The following THSD7A variants were observed in gnomAD, a reference collection of about 807,000 sequenced individuals.
THSD7A encodes thrombospondin type 1 domain containing 7A.
A neutral mutation model predicts 231.3 loss-of-function variants in THSD7A; 96 were observed. That is an observed-to-expected ratio of 0.41 (90% CI 0.35 to 0.49). The LOEUF is 0.49. THSD7A is among the 20% of genes least tolerant of loss of function. The pLI is 0.05. For synonymous variants in THSD7A, 940 were observed against 743.3 expected (o/e 1.26, Z -4.30); for missense variants, 2,290 against 2,070.2 (o/e 1.11, Z -2.06).
intron 1 of THSD7A, among the ~76,000 whole-genome samples, chr7:11,687,676 G>A (rs1780100779): frequency 6.6e-6 from 1 of 151,826 alleles, no homozygotes; most frequent in East Asian, 1.9e-4. Context: ...TCTCCAAGAA[G>A]TATTTTGACA....
intron 23 of THSD7A, among the ~76,000 whole-genome samples, chr7:11,387,594 TAAGGAGATTTTGGGCTG>T (rs1221137964): frequency 2.0e-5 from 3 of 152,224 alleles, no homozygotes; most frequent in Admixed American, 2.0e-4. Context: ...CTTATCAGCT[TAAGGAGATTTTGGGCTG>T]ATATGATGGG....
chr7:11,831,838 GC>G lies in THSD7A; in HGVS notation c.108del (p.Leu37CysfsTer99). The G allele has an allele frequency of 7.1e-7, 1 of 1,403,234 alleles. No individual in the cohort carries two copies. Among genetic ancestry groups the G allele is most frequent in the Non-Finnish European group, 9.3e-7 (1 of 1,075,646 alleles). 86.9% of individuals were successfully genotyped at this position (1,403,234 alleles called of 1,614,324 possible). A position where few individuals can be genotyped will look rare whatever the true frequency, so the allele number is the denominator to read the frequency against. On this transcript the variant is annotated frameshift_variant, in exon 1 of 28. Transcript: ENST00000423059. LOFTEE classifies it high-confidence loss of function. This position sits in a 1 kb window ranked among gnomAD's most constrained non-coding sequence, Gnocchi z 5.0. ...LPLPLPLPLL[L>X]LLLLRPGAGR... ...CCGGCGCCCGGGCGTAGCAGCAGCAGCAGGAGCAGCGGCAGCGGCAGCGGCA... is the reference window on the plus strand; with the variant it reads ...CCGGCGCCCGGGCGTAGCAGCAGCAGAGGAGCAGCGGCAGCGGCAGCGGCA...
intron 2 of THSD7A, 47 bp from the exon 3 acceptor site, chr7:11,593,549 T>C (rs1435045136): frequency 1.9e-6 from 3 of 1,592,720 alleles, no homozygotes; most frequent in South Asian, 1.1e-5. Context: ...CAGGCAGTTA[T>C]GAACTTTGTC....
chr7:11,477,183 G>A (rs1786225720), intron 7 of THSD7A, among the ~76,000 whole-genome samples: 1 of 152,110 alleles, frequency 6.6e-6, no homozygotes, highest in Non-Finnish European at 1.5e-5. Flanking sequence ...ACATTTAGAT[G>A]TCACACTTTG....
At chr7:11,633,103 T>G (rs1781714001) in intron 2 of THSD7A, among the ~76,000 whole-genome samples, 1 of 152,222 alleles carries the variant, frequency 6.6e-6, no homozygotes, top group African/African-American at 2.4e-5. Context: ...CTCCATTTCT[T>G]TTTTGAGCTC....
intron 4 of THSD7A, among the ~76,000 whole-genome samples, chr7:11,553,139 T>C (rs576682301): frequency 6.6e-6 from 1 of 152,210 alleles, no homozygotes; most frequent in South Asian, 2.1e-4. Flanking sequence ...AACAAAGCCT[T>C]CTTGAGGTTT....
chr7:11,718,556 T>C (rs1030431742), intron 1 of THSD7A, among the ~76,000 whole-genome samples: 1 of 151,696 alleles, frequency 6.6e-6, no homozygotes, highest in African/African-American at 2.4e-5. Context: ...TTAAACAGTG[T>C]ACAATTGTCA....
intron 2 of THSD7A, among the ~76,000 whole-genome samples, chr7:11,594,322 G>C (rs1271495018): frequency 2.0e-5 from 3 of 152,114 alleles, no homozygotes; most frequent in Non-Finnish European, 2.9e-5. Flanking sequence ...TGTCCCTCTA[G>C]AGAACCCTGA....
At chr7:11,407,137 G>C (rs1783612627) in intron 20 of THSD7A, 82 bp from the exon 21 acceptor site, 1 of 1,544,638 alleles carries the variant, frequency 6.5e-7, no homozygotes, top group Non-Finnish European at 8.8e-7. Context: ...AGGCATCACA[G>C]TGATATCTCC....
In THSD7A at chr7:11,544,947, G is replaced by A. The variant is rs574277045; in HGVS notation, c.1454-1830C>T. 3.6e-3 allele frequency among the ~76,000 whole-genome samples: 555 copies of A among 152,110 alleles called. 2 individuals carry two copies. Among genetic ancestry groups the A allele is most frequent in the Non-Finnish European group, 6.6e-3 (450 of 68,012 alleles). On this transcript the variant is annotated intron_variant, in intron 4 of 27. Coordinates refer to ENST00000423059, the MANE Select transcript of THSD7A (RefSeq NM_015204.3). Reference sequence around the variant, plus strand: ...GTTTATGTGCATCACAACAGCAGCCGAAGCCAAAAATGATTAATTTCATTG... The same window carrying A: ...GTTTATGTGCATCACAACAGCAGCCAAAGCCAAAAATGATTAATTTCATTG...
chr7:11,533,201 C>G (rs1346701199), intron 6 of THSD7A, among the ~76,000 whole-genome samples: 1 of 152,098 alleles, frequency 6.6e-6, no homozygotes, highest in African/African-American at 2.4e-5. Flanking sequence ...TCAGACAGTT[C>G]AGAGTGAAAA....
chr7:11,583,725 C>T (rs1029960095), intron 4 of THSD7A, among the ~76,000 whole-genome samples: 46 of 151,924 alleles, frequency 3.0e-4, no homozygotes, highest in African/African-American at 1.0e-3. Flanking sequence ...AAATCCTGTG[C>T]CTTAGGTTAA....
rs146292999 is a variant in THSD7A, at chr7:11,676,553, C to T, written c.191-39592G>A. On this transcript the variant is annotated intron_variant, in intron 1 of 27. Transcript: ENST00000423059. ...TGAGAGGAATCGCTAACTGGAATAACCAGTTTAGAGAAGAACATAAATGAC... is the reference window on the plus strand; with the variant it reads ...TGAGAGGAATCGCTAACTGGAATAATCAGTTTAGAGAAGAACATAAATGAC... 3.7e-3 allele frequency among the ~76,000 whole-genome samples: 561 copies of T among 152,128 alleles called. 3 individuals carry two copies. The highest frequency in any genetic ancestry group is 0.013 in the African/African-American group (536 of 41,510).
At chr7:11,815,498 A>G (rs189188170) in intron 1 of THSD7A, among the ~76,000 whole-genome samples, 2 of 152,116 alleles carry the variant, frequency 1.3e-5, no homozygotes, top group Non-Finnish European at 2.9e-5. Flanking sequence ...ACTTATTTTA[A>G]TATTACTTTA....
chr7:11,753,644 C>A (rs1192148190), intron 1 of THSD7A, among the ~76,000 whole-genome samples: 3 of 151,674 alleles, frequency 2.0e-5, no homozygotes, highest in Non-Finnish European at 2.9e-5. Flanking sequence ...TACTGTTAAT[C>A]TGGGCCCAGT....
intron 1 of THSD7A, among the ~76,000 whole-genome samples, chr7:11,761,209 G>A (rs1398018958): frequency 1.3e-5 from 2 of 151,730 alleles, no homozygotes; most frequent in Non-Finnish European, 2.9e-5. Flanking sequence ...TTGAAATACA[G>A]AATTTGCCCT....
At chr7:11,484,577 T>C (rs1786568208) in intron 6 of THSD7A, among the ~76,000 whole-genome samples, 1 of 152,162 alleles carries the variant, frequency 6.6e-6, no homozygotes, top group African/African-American at 2.4e-5. Flanking sequence ...CTAGACTAAA[T>C]GAGGGTGTTA....
intron 5 of THSD7A, 138 bp from the exon 6 acceptor site, chr7:11,541,769 C>T (rs1789159958): frequency 1.3e-6 from 1 of 740,820 alleles, no homozygotes; most frequent in South Asian, 1.6e-5. Flanking sequence ...TGGTGTATCC[C>T]CAAACTGTAG....
chr7:11,600,631 A>C (rs1780518102), intron 2 of THSD7A, among the ~76,000 whole-genome samples: 1 of 152,162 alleles, frequency 6.6e-6, no homozygotes, highest in Non-Finnish European at 1.5e-5. Flanking sequence ...CTCAATAATC[A>C]ATAGTGTATA....
Sources: allele counts gnomAD v4.1 joint callset (sites outside exome capture counted in the v4.1 genomes callset), GRCh38; gene constraint gnomAD v4.1.1; non-coding constraint Gnocchi (gnomAD v3.1); transcripts MANE v1.5; gene names NCBI Gene and HGNC (gene_info 2026-07-23, HGNC 2026-07-21).